DACH1: variants seen among roughly 807,000 people sequenced by gnomAD.
The protein encoded by DACH1 is dachshund homolog 1.
DACH1 carries 12 observed loss-of-function variants against 54.2 expected under a neutral mutation model. The observed-to-expected ratio is 0.22, with a 90% CI of 0.14 to 0.36. The LOEUF (loss-of-function observed/expected upper bound fraction) is 0.36, where lower values mean the gene tolerates loss of function less well. Among genes scored for constraint, DACH1 ranks in the 10% least tolerant of loss-of-function variants. The probability of loss-of-function intolerance (pLI) is 1.00; values close to 1 mark genes in which losing one functional copy is unlikely to be tolerated. For synonymous variants in DACH1, 386 were observed against 366.2 expected (o/e 1.05, Z -0.62); for missense variants, 805 against 929.8 (o/e 0.87, Z 1.75).
At chr13:71,489,824 A>G (rs1878841343) in intron 6 of DACH1, among the ~76,000 whole-genome samples, 1 of 152,162 alleles carries the variant, frequency 6.6e-6, no homozygotes, top group South Asian at 2.1e-4. Context: ...AAGGAAGAGT[A>G]ATAAAATGCT....
chr13:71,620,042 A>C (rs1445259029), intron 3 of DACH1, among the ~76,000 whole-genome samples: 3 of 151,976 alleles, frequency 2.0e-5, no homozygotes, highest in African/African-American at 7.2e-5. Context: ...CAGATTGCTA[A>C]AGAAAATAAT....
chr13:71,704,687 C>T (rs1229932438), intron 1 of DACH1: 2 of 222,248 alleles, frequency 9.0e-6, no homozygotes, highest in Admixed American at 5.4e-5. Context: ...TAAAAGATCT[C>T]TGGACTGTGA....
chr13:71,649,914 T>C (rs1276529498), intron 2 of DACH1, among the ~76,000 whole-genome samples: 1 of 152,194 alleles, frequency 6.6e-6, no homozygotes, highest in Non-Finnish European at 1.5e-5. Context: ...GAATTGGTGC[T>C]ATCTTGGAAT....
At chr13:71,444,286 T>C (rs1376103388) in intron 10 of DACH1, among the ~76,000 whole-genome samples, 3 of 152,196 alleles carry the variant, frequency 2.0e-5, no homozygotes, top group Admixed American at 2.0e-4. Context: ...GGAGTGTTGA[T>C]ACTTTTGCCA....
intron 5 of DACH1, among the ~76,000 whole-genome samples, chr13:71,559,538 T>G (rs1242501665): frequency 6.6e-6 from 1 of 152,210 alleles, no homozygotes; most frequent in East Asian, 1.9e-4. Context: ...CTGTGTTTAC[T>G]TCAGAAACCA....
At chr13:71,715,243 C>T (rs1053442605) in intron 1 of DACH1, among the ~76,000 whole-genome samples, 6 of 152,058 alleles carry the variant, frequency 3.9e-5, no homozygotes, top group African/African-American at 1.4e-4. Context: ...AAGACAGAAG[C>T]TGTCACTTAT....
At chr13:71,825,130 A>T (rs2138192235) in intron 1 of DACH1, among the ~76,000 whole-genome samples, 1 of 152,238 alleles carries the variant, frequency 6.6e-6, no homozygotes, top group Non-Finnish European at 1.5e-5. Context: ...ACGAAATAAC[A>T]AAAAAGATGC....
At chr13:71,749,682 A>T (rs1884835771) in intron 1 of DACH1, among the ~76,000 whole-genome samples, 1 of 152,220 alleles carries the variant, frequency 6.6e-6, no homozygotes, top group African/African-American at 2.4e-5. Context: ...AACATGATGC[A>T]CTAAAGAAAT....
intron 1 of DACH1, among the ~76,000 whole-genome samples, chr13:71,842,432 G>A (rs897565606): frequency 7.3e-5 from 11 of 150,596 alleles, no homozygotes; most frequent in African/African-American, 2.7e-4. Flanking sequence ...AAAAAAATTA[G>A]CAAGGCATGG....
intron 1 of DACH1, among the ~76,000 whole-genome samples, chr13:71,813,891 T>A (rs890985040): frequency 6.6e-6 from 1 of 152,156 alleles, no homozygotes; most frequent in African/African-American, 2.4e-5. Context: ...AAGATATCTA[T>A]CCAATGTGAA....
At chr13:71,551,237 C>G (rs899103063) in intron 6 of DACH1, among the ~76,000 whole-genome samples, 1 of 151,980 alleles carries the variant, frequency 6.6e-6, no homozygotes, top group Admixed American at 6.6e-5. Context: ...AAGACATTTA[C>G]ATAATTTTTA....
rs940405001 is a variant in DACH1, at chr13:71,479,678, A to G, written c.1723-362T>C. ...AAGGAAATTAGGCTGAAACTCCTCC[A>G]CAAGTAATTATCTGACATGGTTTAT... On this transcript the variant is annotated intron_variant, in intron 7 of 10. Coordinates refer to ENST00000613252, the MANE Select transcript of DACH1 (RefSeq NM_080759.6). 2.9e-4 allele frequency among the ~76,000 whole-genome samples: 44 copies of G among 152,138 alleles called. 1 individual carries two copies. The highest frequency in any genetic ancestry group is 1.0e-3 in the African/African-American group (43 of 41,436).
intron 1 of DACH1, among the ~76,000 whole-genome samples, chr13:71,706,333 T>A (rs1594118847): frequency 6.6e-6 from 1 of 152,080 alleles, no homozygotes; most frequent in East Asian, 1.9e-4. Context: ...AATTGAAATC[T>A]ATTGGGTAGC....
chr13:71,526,311 T>C (rs1232123928), intron 6 of DACH1, among the ~76,000 whole-genome samples: 1 of 152,156 alleles, frequency 6.6e-6, no homozygotes, highest in Non-Finnish European at 1.5e-5. Context: ...ATTCAGGGTA[T>C]GTAACAAAGC....
chr13:71,655,690 C>T (rs995415139), intron 2 of DACH1, among the ~76,000 whole-genome samples: 1 of 152,012 alleles, frequency 6.6e-6, no homozygotes. Context: ...TTAATGAAAG[C>T]ACACAAAATA....
intron 2 of DACH1, 36 bp from the exon 3 acceptor site, chr13:71,630,753 T>C (rs1877037264): frequency 1.3e-6 from 2 of 1,517,246 alleles, no homozygotes; most frequent in Non-Finnish European, 1.7e-6. Flanking sequence ...GTAATTCAAA[T>C]TCTGATTTTT....
chr13:71,598,299 C>T (rs1199103312), intron 3 of DACH1, among the ~76,000 whole-genome samples: 2 of 151,894 alleles, frequency 1.3e-5, no homozygotes, highest in Admixed American at 6.6e-5. Context: ...CTGTTGCCCA[C>T]CCTGGAGTGC....
At chr13:71,468,426 GC>G (rs1383812074) in intron 10 of DACH1, among the ~76,000 whole-genome samples, 2 of 152,104 alleles carry the variant, frequency 1.3e-5, no homozygotes, top group African/African-American at 2.4e-5. Flanking sequence ...GTGATTTCTA[GC>G]ATTTCTTAAC....
At chr13:71,470,570 G>A (rs1228923787) in intron 10 of DACH1, among the ~76,000 whole-genome samples, 7 of 151,902 alleles carry the variant, frequency 4.6e-5, no homozygotes, top group Non-Finnish European at 8.8e-5. Flanking sequence ...CTTGGGATCC[G>A]CCCTACTCAG....
Sources: gnomAD v4.1 joint callset for allele counts (sites outside exome capture counted in the v4.1 genomes callset) on GRCh38, gnomAD v4.1.1 for gene constraint, MANE v1.5 for transcripts, NCBI Gene and HGNC (gene_info 2026-07-23, HGNC 2026-07-21) for gene names.